Variants in XKR6 observed in about 807,000 individuals in gnomAD.
XKR6 encodes the protein XK related 6.
A neutral mutation model predicts 56.7 loss-of-function variants in XKR6; 22 were observed. The observed-to-expected ratio is 0.39, with a 90% CI of 0.28 to 0.55. XKR6 has a LOEUF of 0.55. Ranked by LOEUF, XKR6 falls within the 20% of genes least tolerant of loss-of-function variation. The pLI, the probability that XKR6 is intolerant of heterozygous loss-of-function variation, is 0.66. For synonymous variants in XKR6, 524 were observed against 387.8 expected (o/e 1.35, Z -4.13); for missense variants, 852 against 889.0 (o/e 0.96, Z 0.53).
intron 1 of XKR6, among the ~76,000 whole-genome samples, chr8:10,963,365 C>G (rs550144088): frequency 2.0e-5 from 3 of 152,318 alleles, no homozygotes; most frequent in Non-Finnish European, 4.4e-5. Flanking sequence ...TCCACCTCCC[C>G]TTATCTGCTG....
chr8:11,063,742 A>G (rs1028059486), intron 1 of XKR6, among the ~76,000 whole-genome samples: 2 of 152,154 alleles, frequency 1.3e-5, no homozygotes, highest in African/African-American at 4.8e-5. Flanking sequence ...AATTCCTGAT[A>G]CGCTTGGCTC....
In XKR6 at chr8:11,200,340, G is replaced by C. The variant is rs1164581251; in HGVS notation, c.764+236C>G. ...CAGGTTGGGGCAAGAGCCCCGCCGAGTGCGAAGCGGGGACGAGGACGGGCC... is the reference window on the plus strand; with the variant it reads ...CAGGTTGGGGCAAGAGCCCCGCCGACTGCGAAGCGGGGACGAGGACGGGCC... On this transcript the variant is annotated intron_variant, in intron 1 of 2. Coordinates refer to ENST00000416569, the MANE Select transcript of XKR6 (RefSeq NM_173683.4). The surrounding 1 kb of genome is among the most constrained non-coding windows in gnomAD (Gnocchi z 6.4). Among the ~76,000 whole-genome samples the C allele has an allele frequency of 6.6e-6, 1 of 152,248 alleles. No individual in the cohort carries two copies. The highest frequency in any genetic ancestry group is 1.5e-5 in the Non-Finnish European group (1 of 68,038).
At chr8:10,993,329 G>A (rs536040326) in intron 1 of XKR6, among the ~76,000 whole-genome samples, 51 of 152,348 alleles carry the variant, frequency 3.3e-4, no homozygotes, top group Non-Finnish European at 5.3e-4. Flanking sequence ...CCAAGGGGAC[G>A]GGGGTGTGAG....
At chr8:11,066,548 C>T (rs1175000792) in intron 1 of XKR6, among the ~76,000 whole-genome samples, 5 of 152,296 alleles carry the variant, frequency 3.3e-5, no homozygotes, top group Admixed American at 6.5e-5. Context: ...AGACGTCACC[C>T]GCCCAGGCTG....
At chr8:11,118,354 T>C (rs1452212251) in intron 1 of XKR6, among the ~76,000 whole-genome samples, 3 of 152,244 alleles carry the variant, frequency 2.0e-5, no homozygotes, top group Non-Finnish European at 4.4e-5. Context: ...CCTCTTTTTC[T>C]ATTGATTGGA....
In XKR6 at chr8:10,897,343, G is replaced by A. The variant is rs1304844455; in HGVS notation, c.*609C>T. The A allele has an allele frequency of 6.6e-6, 1 of 152,542 alleles. No individual in the cohort carries two copies. The highest frequency in any genetic ancestry group is 1.9e-4 in the East Asian group (1 of 5,196). 9.4% of individuals were successfully genotyped at this position (152,542 alleles called of 1,614,324 possible). A position where few individuals can be genotyped will look rare whatever the true frequency, so the allele number is the denominator to read the frequency against. ...ATAGGAAGAATAATTGCTTTGTGTT[G>A]TATTTGTTGGTTGGTTTTTGTTTCA... On this transcript the variant is annotated 3_prime_UTR_variant, in exon 3 of 3. Transcript: ENST00000416569.
At chr8:11,071,505 C>T (rs573311070) in intron 1 of XKR6, among the ~76,000 whole-genome samples, 303 of 114,160 alleles carry the variant, frequency 2.7e-3, no homozygotes, top group Non-Finnish European at 4.0e-3. Flanking sequence ...CCATGAGCCC[C>T]GAGTCTATGA....
intron 1 of XKR6, among the ~76,000 whole-genome samples, chr8:11,168,778 C>G (rs1363534614): frequency 1.3e-5 from 2 of 152,174 alleles, no homozygotes; most frequent in African/African-American, 4.8e-5. Context: ...GCTGCAGGCA[C>G]AGATAAGAAA....
intron 1 of XKR6, among the ~76,000 whole-genome samples, chr8:10,997,810 G>A (rs531647860): frequency 2.0e-5 from 3 of 152,300 alleles, no homozygotes; most frequent in South Asian, 2.1e-4. Context: ...GAGACTCCAC[G>A]TTCACAAGCA....
intron 1 of XKR6, among the ~76,000 whole-genome samples, chr8:10,931,880 A>G (rs1213532678): frequency 6.6e-6 from 1 of 152,220 alleles, no homozygotes; most frequent in Admixed American, 6.5e-5. Flanking sequence ...TGCTCTGTGA[A>G]TGACATTGTT....
At chr8:11,049,064 G>A (rs1401739364) in intron 1 of XKR6, among the ~76,000 whole-genome samples, 3 of 152,224 alleles carry the variant, frequency 2.0e-5, no homozygotes, top group Non-Finnish European at 4.4e-5. Flanking sequence ...AGGTCACCCT[G>A]CTGAAGTGGC....
rs142459090 is a variant in XKR6 at position 10,901,317 on chromosome 8, A to G, written c.962-2401T>C. ...GTGATCTGCCCACCTTGGCCTCCCA[A>G]TGTGCTGGAATTACAGGCATGAGCC... On this transcript the variant is annotated intron_variant, in intron 2 of 2. Transcript: ENST00000416569. 4.1e-3 allele frequency among the ~76,000 whole-genome samples: 619 copies of G among 152,170 alleles called. 2 individuals are homozygous for G. Among genetic ancestry groups the G allele is most frequent in the Non-Finnish European group, 5.8e-3 (393 of 68,004 alleles).
intron 1 of XKR6, among the ~76,000 whole-genome samples, chr8:11,071,961 C>T (rs1302226569): frequency 6.6e-6 from 1 of 151,996 alleles, no homozygotes; most frequent in Non-Finnish European, 1.5e-5. Context: ...GCTCGAAGTC[C>T]AGAATAATAT....
intron 1 of XKR6, among the ~76,000 whole-genome samples, chr8:10,960,189 C>G (rs28695604): frequency 6.6e-6 from 1 of 150,448 alleles, no homozygotes; most frequent in South Asian, 2.1e-4. Flanking sequence ...GTATAGCAGG[C>G]AGGTGCAGGT....
chr8:10,935,453 G>A (rs1487403873), intron 1 of XKR6, among the ~76,000 whole-genome samples: 1 of 100,996 alleles, frequency 9.9e-6, no homozygotes, highest in Non-Finnish European at 2.1e-5. Flanking sequence ...TTTTGAATGT[G>A]TTTGCTCTTG....
intron 1 of XKR6, among the ~76,000 whole-genome samples, chr8:11,046,292 C>T (rs2129157963): frequency 6.6e-6 from 1 of 152,156 alleles, no homozygotes; most frequent in Admixed American, 6.5e-5. Context: ...CCCGGCTACT[C>T]AGGAGGCTGA....
At chr8:11,151,972 A>T (rs1376482513) in intron 1 of XKR6, among the ~76,000 whole-genome samples, 1 of 152,202 alleles carries the variant, frequency 6.6e-6, no homozygotes, top group Non-Finnish European at 1.5e-5. Context: ...ACTGAATACT[A>T]CTTAGAGTCA....
At chr8:11,074,264 C>A (rs1250836700) in intron 1 of XKR6, among the ~76,000 whole-genome samples, 4 of 152,222 alleles carry the variant, frequency 2.6e-5, no homozygotes, top group Non-Finnish European at 2.9e-5. Flanking sequence ...TGCGCTCCCT[C>A]TGTCTAGTGT....
chr8:10,903,837 G>A (rs1198054326), intron 2 of XKR6, among the ~76,000 whole-genome samples: 1 of 152,182 alleles, frequency 6.6e-6, no homozygotes, highest in East Asian at 1.9e-4. Flanking sequence ...GGACAGAACT[G>A]TGCACAGCCA....
Sources: gnomAD v4.1 joint callset for allele counts (sites outside exome capture counted in the v4.1 genomes callset) on GRCh38, gnomAD v4.1.1 for gene constraint, Gnocchi (gnomAD v3.1) non-coding constraint, MANE v1.5 for transcripts, NCBI Gene and HGNC (gene_info 2026-07-23, HGNC 2026-07-21) for gene names.